LGALS9: variants seen among roughly 807,000 people sequenced by gnomAD.
LGALS9 encodes galectin 9, also known as galectin-9.
In LGALS9, 26 loss-of-function variants were observed where a neutral mutation model predicts 35.9. That is an observed-to-expected ratio of 0.72 (90% CI 0.53 to 1.01). The LOEUF is 1.01. LGALS9 is among the 50% of genes least tolerant of loss of function. LGALS9 has a pLI of 0.00. For missense variants in LGALS9, 347 were observed against 445.8 expected, an observed-to-expected ratio of 0.78 and a Z score of 1.99; for synonymous variants, 149 against 172.2, an observed-to-expected ratio of 0.87 and a Z score of 1.06.
chr17:27,647,906 C>T (rs757851258), intron 10 of LGALS9, among the ~76,000 whole-genome samples: 8 of 152,218 alleles, frequency 5.3e-5, no homozygotes, highest in Non-Finnish European at 1.0e-4. Context: ...GACAGTGCCA[C>T]GCACAAAGCA....
chr17:27,647,157 C>T (rs1297155755), intron 9 of LGALS9, 39 bp downstream of exon 9: 1 of 1,614,092 alleles, frequency 6.2e-7, no homozygotes. Flanking sequence ...GAAGAGAGAG[C>T]CCTTCAAGGT....
At position 27,649,074 on chromosome 17, in the gene LGALS9, C is replaced by G. The variant is rs1905137789; in HGVS notation, c.*92C>G. ...CTTCCCAGGCCCAGCCTTTCCAACC[C>G]TGCCTGGGATCTGGGCTTTAATGCA... On this transcript the variant is annotated 3_prime_UTR_variant, in exon 11 of 11. Coordinates refer to ENST00000395473, the MANE Select transcript of LGALS9 (RefSeq NM_009587.3). 4 of 1,581,762 alleles carry G rather than the reference C, an allele frequency of 2.5e-6. No individual in the cohort carries two copies. The Admixed American group carries it at 5.1e-5, about 20-fold the overall frequency.
chr17:27,638,955 T>G (rs2074485516), intron 2 of LGALS9, among the ~76,000 whole-genome samples: 1 of 151,896 alleles, frequency 6.6e-6, no homozygotes, highest in Non-Finnish European at 1.5e-5. Context: ...GGCTGACCCC[T>G]GCCGAGGCAC....
rs759090013 is a variant in LGALS9, at chr17:27,643,530, C to T, written c.450C>T (p.Pro150=). The change falls in exon 5 of 11, where the codon CCC becomes CCT. Residue 150 remains proline, a synonymous_variant. Transcript: ENST00000395473. ...VQLSYISFQN[P]RTVPVQPAFS... ...GGTGCCTTTTGTTTTAACAGAACCC[C>T]CGCACAGTCCCTGTTCAGCCTGCCT... 1.2e-6 allele frequency: 2 copies of T among 1,611,922 alleles called. No homozygotes were observed. The highest frequency in any genetic ancestry group is 3.3e-5 in the Admixed American group (2 of 60,004).
chr17:27,637,791 G>GGGTCCCTTT (rs1259705641), intron 1 of LGALS9, among the ~76,000 whole-genome samples: 2 of 152,202 alleles, frequency 1.3e-5, no homozygotes, highest in Admixed American at 1.3e-4. Context: ...GACCCTTGAT[G>GGGTCCCTTT]GGTCCCTTTG....
At chr17:27,642,732 C>A (rs1288167466) in intron 4 of LGALS9, among the ~76,000 whole-genome samples, 4 of 152,138 alleles carry the variant, frequency 2.6e-5, no homozygotes, top group Non-Finnish European at 4.4e-5. Flanking sequence ...AGCAACTTCA[C>A]CTCTCTCAGC....
chr17:27,647,443 G>A lies in LGALS9; in HGVS notation c.921+11G>A, dbSNP rs760654331. On this transcript the variant is annotated intron_variant, in intron 10 of 10. Transcript: ENST00000395473. ...GGCCAGAGCTTCTCAGTAAGGCACC[G>A]CAGTCTGGAGCTTGGAGAGGCTCCC... is the stretch of plus-strand genomic sequence containing the variant. 6.8e-6 allele frequency: 11 copies of A among 1,613,880 alleles called. No homozygotes were observed. The highest frequency in any genetic ancestry group is 4.4e-5 in the South Asian group (4 of 91,026).
chr17:27,646,537 T>C lies in LGALS9; in HGVS notation c.628-10T>C, dbSNP rs1312066344. Reference sequence around the variant, plus strand: ...CTCTCCCATTGAATTTCCTGGTTTCTTTTCAACAGACTCCCGCCATCCCAC... The same window carrying C: ...CTCTCCCATTGAATTTCCTGGTTTCCTTTCAACAGACTCCCGCCATCCCAC... On this transcript the variant is annotated splice_polypyrimidine_tract_variant and intron_variant, in intron 7 of 10. Coordinates refer to ENST00000395473, the MANE Select transcript of LGALS9 (RefSeq NM_009587.3). The C allele has an allele frequency of 1.9e-6, 3 of 1,612,054 alleles. No homozygotes were observed. Among genetic ancestry groups the C allele is most frequent in the Non-Finnish European group, 2.5e-6 (3 of 1,179,860 alleles).
intron 1 of LGALS9, among the ~76,000 whole-genome samples, chr17:27,635,804 G>A (rs1416241298): frequency 6.6e-6 from 1 of 152,174 alleles, no homozygotes; most frequent in Non-Finnish European, 1.5e-5. Flanking sequence ...AGAATCACAG[G>A]CTTCCACAAA....
At chr17:27,642,381 G>C (rs1160367883) in intron 4 of LGALS9, 33 bp downstream of exon 4, 2 of 1,611,524 alleles carry the variant, frequency 1.2e-6, no homozygotes, top group South Asian at 2.2e-5. Flanking sequence ...GGTCCCAGGG[G>C]CTGGGATGCA....
chr17:27,639,150 G>C (rs1364051214), intron 2 of LGALS9, among the ~76,000 whole-genome samples: 2 of 152,176 alleles, frequency 1.3e-5, no homozygotes, highest in Admixed American at 6.5e-5. Context: ...ACAGATCCCA[G>C]CTAAACCTCA....
intron 10 of LGALS9, among the ~76,000 whole-genome samples, chr17:27,648,292 A>G (rs543095552): frequency 1.1e-4 from 16 of 152,354 alleles, no homozygotes; most frequent in African/African-American, 3.6e-4. Context: ...GACCTCGGAC[A>G]AGTGACTTAA....
At chr17:27,646,274 C>T (rs1213809221) in intron 7 of LGALS9, among the ~76,000 whole-genome samples, 3 of 152,070 alleles carry the variant, frequency 2.0e-5, no homozygotes, top group African/African-American at 7.2e-5. Context: ...AAGCTCTTCT[C>T]CTGATGGTGC....
intron 1 of LGALS9, among the ~76,000 whole-genome samples, chr17:27,632,002 G>A (rs755059601): frequency 7.9e-5 from 12 of 152,042 alleles, no homozygotes; most frequent in African/African-American, 1.2e-4. Context: ...TCCCTGCAGC[G>A]TGGGGTCAGA....
chr17:27,645,554 A>C (rs1904868613), intron 6 of LGALS9: 1 of 746,592 alleles, frequency 1.3e-6, no homozygotes, highest in African/African-American at 1.9e-5. Context: ...GTGGGCAGCC[A>C]CGGAAGACCA....
Position 27,649,160 on chromosome 17 carries a change from G to T in LGALS9, c.*178G>T, listed in dbSNP as rs1227954553. On this transcript the variant is annotated 3_prime_UTR_variant, in exon 11 of 11. Coordinates refer to ENST00000395473, the MANE Select transcript of LGALS9 (RefSeq NM_009587.3). ...CAGCCACCCTGGAACGGAGAAGGCA[G>T]CTGACGGGGATTGCCTTCCTCAGCC... is the stretch of plus-strand genomic sequence containing the variant. The T allele has an allele frequency of 3.0e-6, 3 of 998,252 alleles. No homozygotes were observed. Among genetic ancestry groups the T allele is most frequent in the East Asian group, 5.2e-5 (2 of 38,108 alleles). 61.8% of individuals were successfully genotyped at this position (998,252 alleles called of 1,614,324 possible). A position where few individuals can be genotyped will look rare whatever the true frequency, so the allele number is the denominator to read the frequency against.
intron 4 of LGALS9, 52 bp downstream of exon 4, chr17:27,642,400 C>A (rs1376239888): frequency 4.3e-6 from 7 of 1,610,580 alleles, no homozygotes; most frequent in East Asian, 2.2e-5. Context: ...CAGGGCCCAG[C>A]GTAGCTGTGT....
At position 27,647,144 on chromosome 17, in the gene LGALS9, T is replaced by C; in HGVS notation, c.758+26T>C. On this transcript the variant is annotated intron_variant, in intron 9 of 10. Coordinates refer to ENST00000395473, the MANE Select transcript of LGALS9 (RefSeq NM_009587.3). ...GTAAGCCAAGGGCTCCAGTGACCTC[T>C]GGGAAGAGAGAGCCCTTCAAGGTCA... 3 of 1,614,158 alleles carry C rather than the reference T, an allele frequency of 1.9e-6. No individual in the cohort carries two copies. In the South Asian group the frequency reaches 3.3e-5, roughly 18 times the overall value.
chr17:27,631,200 G>A lies in LGALS9; in HGVS notation c.-66G>A, dbSNP rs370936692. 1.1e-4 allele frequency: 176 copies of A among 1,608,282 alleles called. 2 individuals carry two copies. The highest frequency in any genetic ancestry group is 9.5e-4 in the South Asian group (86 of 90,792). ...TTGGTTTCTATTTCTTTGTTAAGTC[G>A]TTCCCTCTACAAAGGACTTCCTAGT... On this transcript the variant is annotated 5_prime_UTR_variant, in exon 1 of 11. Coordinates refer to ENST00000395473, the MANE Select transcript of LGALS9 (RefSeq NM_009587.3).
Sources: gnomAD v4.1 joint callset for allele counts (sites outside exome capture counted in the v4.1 genomes callset) on GRCh38, gnomAD v4.1.1 for gene constraint, MANE v1.5 for transcripts, NCBI Gene and HGNC (gene_info 2026-07-23, HGNC 2026-07-21) for gene names.